MSTN: variants seen among roughly 807,000 people sequenced by gnomAD.
MSTN encodes the protein myostatin, also known as growth/differentiation factor 8.
A neutral mutation model predicts 32.3 loss-of-function variants in MSTN; 12 were observed. The ratio of observed to expected loss-of-function variants is 0.37; its 90% CI spans 0.24 to 0.60. The LOEUF (loss-of-function observed/expected upper bound fraction) is 0.60, where lower values mean the gene tolerates loss of function less well. MSTN is among the 20% of genes least tolerant of loss of function. The probability of loss-of-function intolerance (pLI) is 0.67; values close to 1 mark genes in which losing one functional copy is unlikely to be tolerated. For synonymous variants in MSTN, 168 were observed against 155.1 expected, an observed-to-expected ratio of 1.08 and a Z score of -0.62; for missense variants, 403 against 450.3, an observed-to-expected ratio of 0.89 and a Z score of 0.95.
chr2:190,059,733 G>C (rs188505204), intron 2 of MSTN, among the ~76,000 whole-genome samples: 3 of 151,970 alleles, frequency 2.0e-5, no homozygotes, highest in Admixed American at 2.0e-4. Flanking sequence ...ACTATATAGA[G>C]TTAATATTTT....
At chr2:190,057,936 A>G (rs1028903396) in intron 2 of MSTN, among the ~76,000 whole-genome samples, 4 of 152,016 alleles carry the variant, frequency 2.6e-5, no homozygotes, top group African/African-American at 7.2e-5. Context: ...TCCTGAAAAT[A>G]TTTATGGGAA....
At chr2:190,059,950 C>T in intron 2 of MSTN, 112 bp downstream of exon 2, 3 of 1,159,704 alleles carry the variant, frequency 2.6e-6, no homozygotes, top group South Asian at 1.4e-5. Context: ...GGTAAGATAC[C>T]TTTGTCTAGC....
rs919497329 is a variant in MSTN, at chr2:190,062,536, C to T, written c.61G>A (p.Val21Met). The T allele has an allele frequency of 1.2e-6, 2 of 1,613,226 alleles. No homozygotes were observed. Among genetic ancestry groups the T allele is most frequent in the Non-Finnish European group, 1.7e-6 (2 of 1,179,560 alleles). The change falls in exon 1 of 3, where the codon GTG becomes ATG. Residue 21 changes from valine to methionine, a missense_variant. Val to Met is a conservative substitution (Grantham distance 21). Coordinates refer to ENST00000260950, the MANE Select transcript of MSTN (RefSeq NM_005259.3). ...YLFMLIVAGPVDLNENSEQKE... is the reference protein window; with the variant it reads ...YLFMLIVAGPMDLNENSEQKE... Reference sequence around the variant, plus strand: ...TGCTCACTGTTCTCATTTAGATCCACTGGACCAGCAACAATCAGCATAAAC... The same window carrying T: ...TGCTCACTGTTCTCATTTAGATCCATTGGACCAGCAACAATCAGCATAAAC...
At chr2:190,060,679 G>A (rs1165898912) in intron 1 of MSTN, among the ~76,000 whole-genome samples, 1 of 151,966 alleles carries the variant, frequency 6.6e-6, no homozygotes, top group East Asian at 1.9e-4. Context: ...TCCCCTTCCA[G>A]AGAACTATGG....
chr2:190,057,671 C>A, intron 2 of MSTN, 33 bp from the exon 3 acceptor site: 1 of 1,610,216 alleles, frequency 6.2e-7, no homozygotes, highest in South Asian at 1.1e-5. Flanking sequence ...TCAGTAATAT[C>A]AATAGGCCTG....
At chr2:190,059,558 G>C (rs541203773) in intron 2 of MSTN, among the ~76,000 whole-genome samples, 1 of 151,824 alleles carries the variant, frequency 6.6e-6, no homozygotes, top group Non-Finnish European at 1.5e-5. Context: ...ATTTAATAAA[G>C]TATAAGCCTA....
chr2:190,057,912 G>C (rs536592895), intron 2 of MSTN, among the ~76,000 whole-genome samples: 1 of 151,892 alleles, frequency 6.6e-6, no homozygotes, highest in South Asian at 2.1e-4. Flanking sequence ...AGATTGCCTG[G>C]CACATAATGG....
intron 1 of MSTN, among the ~76,000 whole-genome samples, chr2:190,061,235 G>T (rs980966126): frequency 1.3e-5 from 2 of 151,922 alleles, no homozygotes; most frequent in Non-Finnish European, 1.5e-5. Flanking sequence ...AAAACTGTTT[G>T]GAGTCTTGTT....
Position 190,057,171 on chromosome 2 carries a change from G to T in MSTN, c.*87C>A. On this transcript the variant is annotated 3_prime_UTR_variant, in exon 3 of 3. Coordinates refer to ENST00000260950, the MANE Select transcript of MSTN (RefSeq NM_005259.3). ...GACTGTAGCATACTCTAGGCCTATA[G>T]CCTGTGGTACTTAATTTCACAGCTT... The T allele has an allele frequency of 2.1e-6, 3 of 1,443,740 alleles. No individual in the cohort carries two copies. The highest frequency in any genetic ancestry group is 2.9e-6 in the Non-Finnish European group (3 of 1,032,778). The allele number at this position is 1,443,740 out of a possible 1,614,324, so 89.4% of individuals were successfully genotyped here.
Position 190,057,563 on chromosome 2 carries a change from G to A in MSTN, c.823C>T (p.His275Tyr). 1.2e-6 allele frequency: 2 copies of A among 1,613,480 alleles called. No homozygotes were observed. The highest frequency in any genetic ancestry group is 1.1e-5 in the South Asian group (1 of 91,060). Residue 275 changes from histidine to tyrosine, a missense_variant, in exon 3 of 3, where the codon CAC (histidine) becomes TAC (tyrosine). Physicochemically the swap from His to Tyr is moderately conservative, Grantham distance 83. Coordinates refer to ENST00000260950, the MANE Select transcript of MSTN (RefSeq NM_005259.3). The stretch of plus-strand genomic sequence containing the variant: ...CGACAGCATCGTGATTCTGTTGAGT[G>A]CTCATCACAGTCAAGACCAAAATCC... ...RRDFGLDCDEHSTESRCCRYP... is the reference protein window; with the variant it reads ...RRDFGLDCDEYSTESRCCRYP...
chr2:190,060,528 A>G (rs1575558137), intron 1 of MSTN, 93 bp from the exon 2 acceptor site: 1 of 1,086,156 alleles, frequency 9.2e-7, no homozygotes. Context: ...TTAAATTAAG[A>G]TAATGTATGC....
intron 2 of MSTN, among the ~76,000 whole-genome samples, chr2:190,058,261 T>G (rs1359879777): frequency 6.6e-6 from 1 of 152,054 alleles, no homozygotes; most frequent in East Asian, 1.9e-4. Context: ...AATCTTTTAA[T>G]GCATTTGAGA....
Position 190,060,277 on chromosome 2 carries a change from TGATGA to T in MSTN, c.527_531del (p.Leu176GlnfsTer18). On this transcript the variant is annotated frameshift_variant, in exon 2 of 3. Transcript: ENST00000260950. LOFTEE classifies it high-confidence loss of function. ...TACCTTGTACCGTCTTTCATAGGTT[TGATGA>T]GTCTCAGGATTTGCACAAACACTGT... The T allele has an allele frequency of 6.2e-7, 1 of 1,613,208 alleles. No homozygotes were observed. The highest frequency in any genetic ancestry group is 8.5e-7 in the Non-Finnish European group (1 of 1,179,328).
At chr2:190,058,088 A>G (rs183194006) in intron 2 of MSTN, among the ~76,000 whole-genome samples, 30 of 152,204 alleles carry the variant, frequency 2.0e-4, no homozygotes, top group African/African-American at 5.8e-4. Flanking sequence ...AGGGTTAGGT[A>G]TAGTCATCCA....
chr2:190,057,976 A>G (rs887680758), intron 2 of MSTN, among the ~76,000 whole-genome samples: 2 of 151,982 alleles, frequency 1.3e-5, no homozygotes, highest in African/African-American at 2.4e-5. Context: ...AAGGAGAGAG[A>G]GAGGAGAAGA....
In MSTN at chr2:190,057,581, C is replaced by G. The variant is rs748274574; in HGVS notation, c.805G>C (p.Gly269Arg). 1 of 1,613,442 alleles carries G rather than the reference C, an allele frequency of 6.2e-7. No homozygotes were observed. The highest frequency in any genetic ancestry group is 8.5e-7 in the Non-Finnish European group (1 of 1,179,520). Reference sequence around the variant, plus strand: ...GTTGAGTGCTCATCACAGTCAAGACCAAAATCCCTTCTGGATCTTTTTGGT... The same window carrying G: ...GTTGAGTGCTCATCACAGTCAAGACGAAAATCCCTTCTGGATCTTTTTGGT... ...DTPKRSRRDFGLDCDEHSTES... is the reference protein window; with the variant it reads ...DTPKRSRRDFRLDCDEHSTES... The change falls in exon 3 of 3, where the codon GGT becomes CGT. Residue 269 changes from glycine to arginine, a missense_variant. Transcript: ENST00000260950.
Position 190,062,318 on chromosome 2 carries a change from C to T in MSTN, c.279G>A (p.Gln93=). ...KAPPLRELID[Q]YDVQRDDSSD... ...TGCTGTCATCCCTCTGGACATCATA[C>T]TGATCAATCAGTTCCCGGAGTGGAG... is the stretch of plus-strand genomic sequence containing the variant. The change falls in exon 1 of 3, where the codon CAG becomes CAA. Residue 93 remains glutamine (Q), a synonymous_variant. Transcript: ENST00000260950. The T allele has an allele frequency of 6.2e-7, 1 of 1,613,350 alleles. No homozygotes were observed. Among genetic ancestry groups the T allele is most frequent in the Non-Finnish European group, 8.5e-7 (1 of 1,179,510 alleles).
rs1171036449 is a variant in MSTN at position 190,055,741 on chromosome 2, A to T, written c.*1517T>A. On this transcript the variant is annotated 3_prime_UTR_variant, in exon 3 of 3. Transcript: ENST00000260950. ...GTGAAAACACTTTAATATAACTTATACTGTTTCTACAAATTAGATGTAAGA... is the reference window on the plus strand; with the variant it reads ...GTGAAAACACTTTAATATAACTTATTCTGTTTCTACAAATTAGATGTAAGA... 3.3e-5 allele frequency: 5 copies of T among 152,180 alleles called. No individual in the cohort carries two copies. The highest frequency in any genetic ancestry group is 1.2e-4 in the African/African-American group (5 of 41,452). 9.4% of individuals were successfully genotyped at this position (152,180 alleles called of 1,614,324 possible). A position where few individuals can be genotyped will look rare whatever the true frequency, so the allele number is the denominator to read the frequency against.
chr2:190,058,988 A>ATG (rs978412923), intron 2 of MSTN, among the ~76,000 whole-genome samples: 3 of 131,968 alleles, frequency 2.3e-5, no homozygotes, highest in Non-Finnish European at 4.6e-5. Flanking sequence ...GAAGTAAAAC[A>ATG]TGTGTGTGTG....
Sources: allele counts gnomAD v4.1 joint callset (sites outside exome capture counted in the v4.1 genomes callset), GRCh38; gene constraint gnomAD v4.1.1; transcripts MANE v1.5; gene names NCBI Gene and HGNC (gene_info 2026-07-23, HGNC 2026-07-21).